Variants in SYNDIG1 observed in about 807,000 individuals in gnomAD.
SYNDIG1 encodes synapse differentiation-inducing gene protein 1.
Under a neutral mutation model 19.4 loss-of-function variants are expected in SYNDIG1, and 9 were observed. The ratio of observed to expected loss-of-function variants is 0.46; its 90% CI spans 0.28 to 0.81. The LOEUF is 0.81. SYNDIG1 is among the 30% of genes least tolerant of loss of function. The pLI is 0.12. For missense variants in SYNDIG1, 311 were observed against 343.3 expected (o/e 0.91, Z 0.74); for synonymous variants, 141 against 145.9 (o/e 0.97, Z 0.24).
At chr20:24,495,475 A>G (rs1473442188) in intron 1 of SYNDIG1, 1 of 152,276 alleles carries the variant, frequency 6.6e-6, no homozygotes, top group Non-Finnish European at 1.5e-5. Context: ...CTGTCATGCA[A>G]TGGCAGCGAG....
chr20:24,654,650 G>GAGGAAGGAAGGAAGGA (rs572001347), intron 3 of SYNDIG1, among the ~76,000 whole-genome samples: 1,985 of 117,410 alleles, frequency 0.017, 36 homozygotes, highest in East Asian at 0.055. Context: ...GGGAGGGAGG[G>GAGGAAGGAAGGAAGGA]AGGAAGGAAG....
At chr20:24,616,539 C>T (rs57230745) in intron 3 of SYNDIG1, among the ~76,000 whole-genome samples, 99 of 152,342 alleles carry the variant, frequency 6.5e-4, no homozygotes, top group African/African-American at 2.2e-3. Context: ...CTCTCAGCCA[C>T]CTCAGGGCCC....
intron 1 of SYNDIG1, among the ~76,000 whole-genome samples, chr20:24,541,025 CTCTA>C (rs2057457832): frequency 6.6e-6 from 1 of 152,166 alleles, no homozygotes; most frequent in Non-Finnish European, 1.5e-5. Flanking sequence ...TGTAGAAAAT[CTCTA>C]TCTATTGCCA....
At chr20:24,569,858 G>A (rs889672733) in intron 2 of SYNDIG1, among the ~76,000 whole-genome samples, 2 of 152,158 alleles carry the variant, frequency 1.3e-5, no homozygotes, top group African/African-American at 4.8e-5. Context: ...GATAAAGTTG[G>A]TGCGGTAAAG....
chr20:24,481,818 C>A (rs1443309828), intron 1 of SYNDIG1, among the ~76,000 whole-genome samples: 1 of 152,102 alleles, frequency 6.6e-6, no homozygotes, highest in Non-Finnish European at 1.5e-5. Flanking sequence ...CAATTTATAT[C>A]TCCCTATTTC....
At chr20:24,553,523 A>G (rs530954859) in intron 2 of SYNDIG1, among the ~76,000 whole-genome samples, 1 of 152,198 alleles carries the variant, frequency 6.6e-6, no homozygotes, top group African/African-American at 2.4e-5. Context: ...TCAGCTTTCT[A>G]CATATGGCTA....
intron 1 of SYNDIG1, among the ~76,000 whole-genome samples, chr20:24,534,313 C>T (rs2057319429): frequency 6.6e-6 from 1 of 152,208 alleles, no homozygotes; most frequent in African/African-American, 2.4e-5. Flanking sequence ...CTCCACCCCT[C>T]CCCTCCATCT....
rs1014244133 is a variant in SYNDIG1, at chr20:24,666,543, G to A, written c.*1039G>A. 1 of 152,632 alleles carries A rather than the reference G, an allele frequency of 6.6e-6. No homozygotes were observed. Among genetic ancestry groups the A allele is most frequent in the Non-Finnish European group, 1.5e-5 (1 of 68,034 alleles). The allele number at this position is 152,632 out of a possible 1,614,324, so 9.5% of individuals were successfully genotyped here. ...GACATTTTAATACCATTTCATTGCT[G>A]TTTTACGAGTGTTCATTACTTAACA... On this transcript the variant is annotated 3_prime_UTR_variant, in exon 4 of 4. Coordinates refer to ENST00000376862, the MANE Select transcript of SYNDIG1 (RefSeq NM_024893.3).
chr20:24,475,796 T>G (rs1320599484), intron 1 of SYNDIG1, among the ~76,000 whole-genome samples: 1 of 152,206 alleles, frequency 6.6e-6, no homozygotes, highest in Non-Finnish European at 1.5e-5. Flanking sequence ...CCTCACCGTT[T>G]CCATAGTGCC....
intron 1 of SYNDIG1, among the ~76,000 whole-genome samples, chr20:24,484,788 A>G (rs1243645936): frequency 6.6e-6 from 1 of 152,158 alleles, no homozygotes; most frequent in Non-Finnish European, 1.5e-5. Context: ...TGTTTAACAT[A>G]TGGATTTTCT....
At chr20:24,518,736 C>G (rs1266567228) in intron 1 of SYNDIG1, among the ~76,000 whole-genome samples, 1 of 152,248 alleles carries the variant, frequency 6.6e-6, no homozygotes, top group East Asian at 1.9e-4. Context: ...GAGGACGTAT[C>G]TCCATATTCA....
chr20:24,485,784 G>T (rs1227389271), intron 1 of SYNDIG1, among the ~76,000 whole-genome samples: 4 of 152,216 alleles, frequency 2.6e-5, no homozygotes. Flanking sequence ...AGGAGCTACT[G>T]ACTCAGCAGC....
At chr20:24,513,001 T>C (rs900077196) in intron 1 of SYNDIG1, among the ~76,000 whole-genome samples, 4 of 152,096 alleles carry the variant, frequency 2.6e-5, no homozygotes, top group East Asian at 3.8e-4. Context: ...CCGCTGGTGA[T>C]AACCAGGCAA....
chr20:24,592,519 T>C (rs2058529562), intron 3 of SYNDIG1, among the ~76,000 whole-genome samples: 1 of 152,194 alleles, frequency 6.6e-6, no homozygotes. Flanking sequence ...GCTTTCTTAG[T>C]TGTGTTCTTG....
intron 3 of SYNDIG1, among the ~76,000 whole-genome samples, chr20:24,619,464 G>T (rs1030237100): frequency 3.3e-5 from 5 of 152,126 alleles, no homozygotes; most frequent in African/African-American, 1.2e-4. Context: ...CTTCAGTCTT[G>T]TTTCACTTCT....
chr20:24,629,434 TA>T (rs1181895569), intron 3 of SYNDIG1, among the ~76,000 whole-genome samples: 11 of 151,726 alleles, frequency 7.2e-5, no homozygotes, highest in Admixed American at 7.2e-4. Context: ...GCATGGCAAT[TA>T]AATAAACAAT....
chr20:24,578,318 C>T (rs1445668658), intron 2 of SYNDIG1, among the ~76,000 whole-genome samples: 1 of 152,068 alleles, frequency 6.6e-6, no homozygotes, highest in Admixed American at 6.6e-5. Context: ...TGGCACGTAC[C>T]TGTAATCCCA....
chr20:24,559,947 T>A (rs915208678), intron 2 of SYNDIG1, among the ~76,000 whole-genome samples: 2 of 151,902 alleles, frequency 1.3e-5, no homozygotes, highest in Admixed American at 6.6e-5. Context: ...GTTGGTCTTT[T>A]CCTATTTGAG....
intron 3 of SYNDIG1, among the ~76,000 whole-genome samples, chr20:24,661,435 A>AGGGAAGAAAGAAGGAGGAGTT (rs2059590411): frequency 5.5e-5 from 4 of 72,244 alleles, no homozygotes; most frequent in Non-Finnish European, 8.9e-5. Context: ...AGGAGGGAGG[A>AGGGAAGAAAGAAGGAGGAGTT]AGGAAGGAGG....
Sources: gnomAD v4.1 joint callset for allele counts (sites outside exome capture counted in the v4.1 genomes callset) on GRCh38, gnomAD v4.1.1 for gene constraint, MANE v1.5 for transcripts, NCBI Gene and HGNC (gene_info 2026-07-23, HGNC 2026-07-21) for gene names.